Variants in TBCD observed in about 807,000 individuals in gnomAD.
TBCD encodes tubulin-specific chaperone D.
TBCD carries 105 observed loss-of-function variants against 169.3 expected under a neutral mutation model. The ratio of observed to expected loss-of-function variants is 0.62; its 90% CI spans 0.53 to 0.73. The LOEUF (loss-of-function observed/expected upper bound fraction) is 0.73, where lower values mean the gene tolerates loss of function less well. TBCD is among the 30% of genes least tolerant of loss of function. TBCD has a pLI of 0.00. For synonymous variants in TBCD, 700 were observed against 643.9 expected, an observed-to-expected ratio of 1.09 and a Z score of -1.32; for missense variants, 1,444 against 1,600.1, an observed-to-expected ratio of 0.90 and a Z score of 1.66.
rs894645597 is a variant in TBCD at position 82,924,750 on chromosome 17, C to A, written c.2261-189C>A. Among the ~76,000 whole-genome samples the A allele has an allele frequency of 1.5e-4, 22 of 150,068 alleles. No individual in the cohort carries two copies. In the East Asian group the frequency reaches 4.1e-3, roughly 28 times the overall value. The stretch of plus-strand genomic sequence containing the variant: ...CCTGGGTGACAGAATGAGACTCTCT[C>A]AAAAAAAAAATTCTCTTTCTGATTC... On this transcript the variant is annotated intron_variant, in intron 26 of 38. Coordinates refer to ENST00000355528, the MANE Select transcript of TBCD (RefSeq NM_005993.5).
rs1191971982 is a variant in TBCD, at chr17:82,922,175, A to G, written c.2178+598A>G. On this transcript the variant is annotated intron_variant, in intron 25 of 38. Transcript: ENST00000355528. The surrounding 1 kb of genome is among the most constrained non-coding windows in gnomAD (Gnocchi z 4.1). The stretch of plus-strand genomic sequence containing the variant: ...CAGGAGTTCGAGGCCAGCCTGGCCA[A>G]CATGGTGAAACCCCATCTCTACTAA... 1.3e-5 allele frequency among the ~76,000 whole-genome samples: 2 copies of G among 152,240 alleles called. No homozygotes were observed. Among genetic ancestry groups the G allele is most frequent in the African/African-American group, 4.8e-5 (2 of 41,464 alleles).
intron 13 of TBCD, chr17:82,860,414 C>T (rs922210059): frequency 2.0e-6 from 2 of 985,498 alleles, no homozygotes; most frequent in South Asian, 4.7e-5. Flanking sequence ...AGTGAGCGGA[C>T]AGCGAGGGGG....
At chr17:82,886,822 A>G (rs943787588) in intron 15 of TBCD, among the ~76,000 whole-genome samples, 2 of 149,984 alleles carry the variant, frequency 1.3e-5, no homozygotes, top group Non-Finnish European at 3.0e-5. Context: ...GGCGTGCACC[A>G]CCATGCCCGG....
chr17:82,897,960 G>A (rs957120408), intron 17 of TBCD, among the ~76,000 whole-genome samples: 9 of 151,580 alleles, frequency 5.9e-5, no homozygotes, highest in South Asian at 2.1e-4. Flanking sequence ...GTGAGCACAC[G>A]TCACGGCTCT....
At chr17:82,794,137 C>G (rs947936099) in intron 7 of TBCD, among the ~76,000 whole-genome samples, 1 of 152,178 alleles carries the variant, frequency 6.6e-6, no homozygotes, top group Non-Finnish European at 1.5e-5. Flanking sequence ...TTTTCTTGGC[C>G]TAGATTTGGC....
At chr17:82,860,329 C>T (rs2056653417) in intron 13 of TBCD, 8 of 975,782 alleles carry the variant, frequency 8.2e-6, no homozygotes, top group African/African-American at 1.7e-5. Context: ...GTCCCCTCCC[C>T]TCTGGTGGCC....
At chr17:82,937,423 G>A (rs1304588688) in intron 35 of TBCD, 63 bp downstream of exon 35, 2 of 1,469,904 alleles carry the variant, frequency 1.4e-6, no homozygotes, top group African/African-American at 1.4e-5. Context: ...TTGGCTGAGG[G>A]CAGGAGTCCA....
At chr17:82,807,471 T>C (rs1484497341) in intron 10 of TBCD, 137 bp from the exon 11 acceptor site, 3 of 487,132 alleles carry the variant, frequency 6.2e-6, no homozygotes, top group Non-Finnish European at 6.6e-6. Context: ...GTTCTTTTCC[T>C]GTCATTAAAA....
chr17:82,801,097 G>T, intron 9 of TBCD, 101 bp downstream of exon 9: 1 of 1,277,670 alleles, frequency 7.8e-7, no homozygotes, highest in Non-Finnish European at 1.0e-6. Context: ...GTGCTGTTGG[G>T]GCAGGTGCTG....
chr17:82,881,191 C>G (rs1182370861), intron 14 of TBCD, among the ~76,000 whole-genome samples: 1 of 152,204 alleles, frequency 6.6e-6, no homozygotes, highest in Non-Finnish European at 1.5e-5. Context: ...TCTCTCGGCC[C>G]GGTGGTGAGC....
intron 13 of TBCD, among the ~76,000 whole-genome samples, chr17:82,848,410 T>G (rs1168708086): frequency 6.6e-6 from 1 of 152,186 alleles, no homozygotes; most frequent in Non-Finnish European, 1.5e-5. Flanking sequence ...CCAATTCAGG[T>G]TTGTGAACTT....
At chr17:82,830,769 G>T (rs1162139060) in intron 13 of TBCD, 1 of 1,613,858 alleles carries the variant, frequency 6.2e-7, no homozygotes, top group Non-Finnish European at 8.5e-7. Context: ...TCTTGGAGAG[G>T]TTGAGGGGGC....
rs2061361493 is a variant in TBCD at position 82,920,571 on chromosome 17, A to G, written c.2054A>G (p.Glu685Gly). 2.6e-6 allele frequency: 4 copies of G among 1,546,102 alleles called. No homozygotes were observed. The change falls in exon 24 of 39, where the codon GAA (glutamate) becomes GGA (glycine). Residue 685 changes from glutamate to glycine, a missense_variant. Physicochemically the swap from Glu to Gly is moderately conservative, Grantham distance 98 (BLOSUM62 -2). Coordinates refer to ENST00000355528, the MANE Select transcript of TBCD (RefSeq NM_005993.5). This position sits in a 1 kb window ranked among gnomAD's most constrained non-coding sequence, Gnocchi z 4.1. ...LMRQAVCVLIEKLSLSKMPFR... is the reference protein window; with the variant it reads ...LMRQAVCVLIGKLSLSKMPFR... ...TTTTTTCCAGTGTGTGTTTTAATAG[A>G]AAAGTTGTCACTTTCCAAAATGCCC...
intron 13 of TBCD, among the ~76,000 whole-genome samples, chr17:82,843,016 G>A (rs1408526027): frequency 2.0e-5 from 3 of 151,768 alleles, no homozygotes; most frequent in Non-Finnish European, 4.4e-5. Context: ...TCCTGACCTC[G>A]TGATCCGCCC....
At chr17:82,809,539 G>A (rs759337864) in intron 11 of TBCD, among the ~76,000 whole-genome samples, 169 bp from the exon 12 acceptor site, 2 of 152,178 alleles carry the variant, frequency 1.3e-5, no homozygotes, top group Non-Finnish European at 2.9e-5. Flanking sequence ...ACCCTGCAGC[G>A]TGTTTTAGCG....
chr17:82,929,500 G>A lies in TBCD; in HGVS notation c.2991G>A (p.Thr997=), dbSNP rs1014471246. Residue 997 remains threonine, a splice_region_variant and synonymous_variant, in exon 32 of 39, where the codon ACG becomes ACA. Transcript: ENST00000355528. ...VVSLGGLTES[T]IRHSTQSLFE... ...CCCTGGGCGGCTTGACGGAGTCGAC[G>A]GTGAGGAGGCGTCGGGCTGGCTGGG... 8.1e-6 allele frequency: 13 copies of A among 1,605,026 alleles called. No homozygotes were observed. The highest frequency in any genetic ancestry group is 1.1e-5 in the South Asian group (1 of 91,070).
chr17:82,801,664 GGT>G (rs2050553264), intron 9 of TBCD, among the ~76,000 whole-genome samples: 2 of 95,248 alleles, frequency 2.1e-5, no homozygotes, highest in Non-Finnish European at 4.6e-5. Context: ...GCGTTGTGTG[GGT>G]CGGAGTCAGC....
intron 7 of TBCD, among the ~76,000 whole-genome samples, chr17:82,797,410 A>T (rs1468084661): frequency 6.6e-6 from 1 of 152,190 alleles, no homozygotes; most frequent in Non-Finnish European, 1.5e-5. Context: ...ATAATTTTTA[A>T]AAACCTACTG....
In TBCD at chr17:82,915,980, T is replaced by G. The variant is rs2061002257; in HGVS notation, c.2038+4191T>G. ...GAGACATGGCCGGTGCTGTCGTGCC[T>G]TTCGCTTTTACCTGTATCTTAAATC... On this transcript the variant is annotated intron_variant, in intron 23 of 38. Coordinates refer to ENST00000355528, the MANE Select transcript of TBCD (RefSeq NM_005993.5). This position sits in a 1 kb window ranked among gnomAD's most constrained non-coding sequence, Gnocchi z 4.3. 6.6e-6 allele frequency among the ~76,000 whole-genome samples: 1 copy of G among 152,196 alleles called. No homozygotes were observed. The highest frequency in any genetic ancestry group is 1.5e-5 in the Non-Finnish European group (1 of 68,028).
Sources: allele counts gnomAD v4.1 joint callset (sites outside exome capture counted in the v4.1 genomes callset), GRCh38; gene constraint gnomAD v4.1.1; non-coding constraint Gnocchi (gnomAD v3.1); transcripts MANE v1.5; gene names NCBI Gene and HGNC (gene_info 2026-07-23, HGNC 2026-07-21).